The following MSANTD2 variants were observed in gnomAD, a reference collection of about 807,000 sequenced individuals.
MSANTD2 encodes Myb/SANT DNA binding domain containing 2.
MSANTD2 carries 19 observed loss-of-function variants against 52.6 expected under a neutral mutation model. That is an observed-to-expected ratio of 0.36 (90% CI 0.25 to 0.53). MSANTD2 has a LOEUF of 0.53. Among genes scored for constraint, MSANTD2 ranks in the 20% least tolerant of loss-of-function variants. The pLI is 0.91. For synonymous variants in MSANTD2, 291 were observed against 289.7 expected, an observed-to-expected ratio of 1.00 and a Z score of -0.04; for missense variants, 558 against 716.3, an observed-to-expected ratio of 0.78 and a Z score of 2.52.
At chr11:124,798,249 AAAAAAAAAAAAT>A (rs1945559089) in intron 1 of MSANTD2, among the ~76,000 whole-genome samples, 1 of 150,954 alleles carries the variant, frequency 6.6e-6, no homozygotes, top group African/African-American at 2.4e-5. Context: ...AAAAAAAAAA[AAAAAAAAAAAAT>A]TTAATGAGCC....
chr11:124,787,945 A>G (rs1462164380), intron 1 of MSANTD2, among the ~76,000 whole-genome samples: 1 of 152,020 alleles, frequency 6.6e-6, no homozygotes, highest in Non-Finnish European at 1.5e-5. Flanking sequence ...AAATACAACA[A>G]TTAGCTGGGC....
At chr11:124,780,299 C>T (rs1330219608) in intron 1 of MSANTD2, among the ~76,000 whole-genome samples, 1 of 152,154 alleles carries the variant, frequency 6.6e-6, no homozygotes, top group Non-Finnish European at 1.5e-5. Flanking sequence ...AGAACTTTTG[C>T]TACCTTTTTT....
intron 1 of MSANTD2, among the ~76,000 whole-genome samples, chr11:124,793,821 A>G (rs581091): frequency 0.27 from 40,751 of 151,542 alleles, 5,608 homozygotes; most frequent in South Asian, 0.35. Context: ...TTTTATCAAG[A>G]TTCCTCCTAC....
Position 124,767,602 on chromosome 11 carries a change from T to C in MSANTD2, c.1254A>G (p.Lys418=). The C allele has an allele frequency of 6.2e-7, 1 of 1,614,154 alleles. No homozygotes were observed. Among genetic ancestry groups the C allele is most frequent in the Non-Finnish European group, 8.5e-7 (1 of 1,180,026 alleles). Residue 418 remains lysine, a synonymous_variant, in exon 4 of 4, where the codon AAA becomes AAG. Coordinates refer to ENST00000374979, the MANE Select transcript of MSANTD2 (RefSeq NM_001308027.2). The surrounding 1 kb of genome is among the most constrained non-coding windows in gnomAD (Gnocchi z 6.5). ...VQYLLPGGIP[K]SPGLYAIGYE... Reference sequence around the variant, plus strand: ...AGCCAATGGCATAAAGGCCTGGGCTTTTAGGAATACCCCCAGGCAATAAAT... The same window carrying C: ...AGCCAATGGCATAAAGGCCTGGGCTCTTAGGAATACCCCCAGGCAATAAAT...
chr11:124,767,108 G>C lies in MSANTD2; in HGVS notation c.*68C>G. The C allele has an allele frequency of 6.8e-7, 1 of 1,468,236 alleles. No homozygotes were observed. The highest frequency in any genetic ancestry group is 9.2e-7 in the Non-Finnish European group (1 of 1,090,040). The allele number at this position is 1,468,236 out of a possible 1,614,324, so 91.0% of individuals were successfully genotyped here. On this transcript the variant is annotated 3_prime_UTR_variant, in exon 4 of 4. Coordinates refer to ENST00000374979, the MANE Select transcript of MSANTD2 (RefSeq NM_001308027.2). The surrounding 1 kb of genome is among the most constrained non-coding windows in gnomAD (Gnocchi z 6.5). ...TGACGGCGGCATCTGGATGAGGGGT[G>C]GTCCGGGTAATGGGAAGTGAGTAGA...
At chr11:124,795,445 T>A (rs542935768) in intron 1 of MSANTD2, among the ~76,000 whole-genome samples, 1 of 152,218 alleles carries the variant, frequency 6.6e-6, no homozygotes, top group Non-Finnish European at 1.5e-5. Context: ...AATGCTTTCA[T>A]GAATTCCAAG....
intron 1 of MSANTD2, among the ~76,000 whole-genome samples, chr11:124,799,166 C>T (rs545280296): frequency 4.6e-5 from 7 of 152,304 alleles, no homozygotes; most frequent in African/African-American, 1.4e-4. Context: ...TAAGAAACCG[C>T]AGGGCCTCAA....
At chr11:124,784,730 G>A (rs1945103721) in intron 1 of MSANTD2, 1 of 915,754 alleles carries the variant, frequency 1.1e-6, no homozygotes, top group African/African-American at 1.8e-5. Context: ...CTATAATAGA[G>A]ATGTTTCCAT....
chr11:124,776,576 C>T (rs1944754347), intron 1 of MSANTD2, among the ~76,000 whole-genome samples: 2 of 152,198 alleles, frequency 1.3e-5, no homozygotes, highest in South Asian at 2.1e-4. Context: ...GGATTACAGG[C>T]GTGAGCCACC....
chr11:124,789,390 G>GA (rs1468251000), intron 1 of MSANTD2: 1 of 152,124 alleles, frequency 6.6e-6, no homozygotes, highest in Non-Finnish European at 1.5e-5. Context: ...CATAGGCTGA[G>GA]AAAATGCAAC....
At chr11:124,778,425 G>C (rs948818010) in intron 1 of MSANTD2, among the ~76,000 whole-genome samples, 1 of 152,210 alleles carries the variant, frequency 6.6e-6, no homozygotes, top group African/African-American at 2.4e-5. Context: ...TTTCCTGACT[G>C]TTGGAAATCT....
At position 124,784,579 on chromosome 11, in the gene MSANTD2, T is replaced by C. The variant is rs571257316; in HGVS notation, c.511-9605A>G. On this transcript the variant is annotated intron_variant, in intron 1 of 3. Transcript: ENST00000374979. ...AAGGTGTTTCCATTCATGAGACCAA[T>C]GTTTAAAAGGGAGACTGTGCAGAGC... The C allele has an allele frequency of 6.6e-4, 654 of 985,050 alleles. 1 individual carries two copies. The highest frequency in any genetic ancestry group is 9.2e-4 in the Admixed American group (15 of 16,234). 61.0% of individuals were successfully genotyped at this position (985,050 alleles called of 1,614,324 possible).
Position 124,800,314 on chromosome 11 carries a change from G to T in MSANTD2, c.67C>A (p.Leu23Ile), listed in dbSNP as rs770963561. ...SPLKIPKMEV[L>I]SPASPGGLSD... ...AGGCCACCAGGAGAAGCCGGGGAAAGCACCTCCATCTTCGGAATTTTTAGC... is the reference window on the plus strand; with the variant it reads ...AGGCCACCAGGAGAAGCCGGGGAAATCACCTCCATCTTCGGAATTTTTAGC... The change falls in exon 1 of 4, where the codon CTT becomes ATT. Residue 23 changes from leucine (L) to isoleucine (I), a missense_variant. Leu to Ile is a conservative substitution (Grantham distance 5). This residue lies in a region of MSANTD2 where 150 missense variants were observed against 142.7 expected (regional missense o/e 1.05). Transcript: ENST00000374979. The surrounding 1 kb of genome is among the most constrained non-coding windows in gnomAD (Gnocchi z 4.3). 6.4e-7 allele frequency: 1 copy of T among 1,565,470 alleles called. No individual in the cohort carries two copies. The highest frequency in any genetic ancestry group is 8.6e-7 in the Non-Finnish European group (1 of 1,158,444).
intron 1 of MSANTD2, chr11:124,790,633 C>CAAAA (rs1476653664): frequency 6.6e-6 from 1 of 152,274 alleles, no homozygotes; most frequent in Admixed American, 6.5e-5. Flanking sequence ...CAGTCTTACT[C>CAAAA]TTTTGATTCT....
intron 1 of MSANTD2, chr11:124,784,489 C>A: frequency 1.0e-6 from 1 of 985,102 alleles, no homozygotes; most frequent in Non-Finnish European, 1.2e-6. Context: ...TAAACCCCCC[C>A]CCCGCCACCT....
At chr11:124,776,696 A>C (rs1039778683) in intron 1 of MSANTD2, among the ~76,000 whole-genome samples, 3 of 152,228 alleles carry the variant, frequency 2.0e-5, no homozygotes, top group African/African-American at 7.2e-5. Context: ...TAGATGGGTA[A>C]AAGGAATAAT....
intron 1 of MSANTD2, among the ~76,000 whole-genome samples, chr11:124,777,575 A>G (rs757486331): frequency 1.3e-5 from 2 of 152,264 alleles, no homozygotes; most frequent in African/African-American, 4.8e-5. Flanking sequence ...TAATGGTTAC[A>G]GATATGGAAG....
chr11:124,776,127 C>G (rs1193976790), intron 1 of MSANTD2: 1 of 152,214 alleles, frequency 6.6e-6, no homozygotes, highest in Non-Finnish European at 1.5e-5. Flanking sequence ...CAAATACTTT[C>G]TAACTCAACT....
intron 1 of MSANTD2, chr11:124,792,675 C>A (rs1016033418): frequency 6.6e-6 from 1 of 152,164 alleles, no homozygotes; most frequent in Admixed American, 6.5e-5. Context: ...TAATCTGACT[C>A]CTTTATTACA....
Sources: gnomAD v4.1 joint callset for allele counts (sites outside exome capture counted in the v4.1 genomes callset) on GRCh38, gnomAD v4.1.1 for gene constraint, gnomAD v4.1.1 regional missense constraint, Gnocchi (gnomAD v3.1) non-coding constraint, MANE v1.5 for transcripts, NCBI Gene and HGNC (gene_info 2026-07-23, HGNC 2026-07-21) for gene names.